The following MAP3K20 variants were observed in gnomAD, a reference collection of about 807,000 sequenced individuals.
The protein encoded by MAP3K20 is mitogen-activated protein kinase kinase kinase 20, also known as HCCS-4.
MAP3K20 carries 40 observed loss-of-function variants against 85.7 expected under a neutral mutation model. That is an observed-to-expected ratio of 0.47 (90% CI 0.36 to 0.61). The LOEUF (loss-of-function observed/expected upper bound fraction) is 0.61, where lower values mean the gene tolerates loss of function less well. Ranked by LOEUF, MAP3K20 falls within the 20% of genes least tolerant of loss-of-function variation. MAP3K20 has a pLI of 0.00. For missense variants in MAP3K20, 817 were observed against 961.7 expected (o/e 0.85, Z 1.99); for synonymous variants, 325 against 327.7 (o/e 0.99, Z 0.09).
intron 10 of MAP3K20, chr2:173,211,692 G>A (rs1683899281): frequency 6.6e-6 from 1 of 152,404 alleles, no homozygotes; most frequent in South Asian, 2.1e-4. Flanking sequence ...CAAGTCAGGT[G>A]GATCAACGTC....
At chr2:173,170,360 A>G (rs1053178580) in intron 3 of MAP3K20, among the ~76,000 whole-genome samples, 33 of 152,196 alleles carry the variant, frequency 2.2e-4, no homozygotes, top group African/African-American at 7.7e-4. Flanking sequence ...TAAGTTGGTA[A>G]TGACCTTGAT....
chr2:173,199,056 T>G (rs1383325108), intron 8 of MAP3K20, among the ~76,000 whole-genome samples: 1 of 152,226 alleles, frequency 6.6e-6, no homozygotes, highest in East Asian at 1.9e-4. Context: ...ATCTGTGCTC[T>G]CCACAAAGGG....
intron 2 of MAP3K20, among the ~76,000 whole-genome samples, chr2:173,147,649 C>T (rs1181045960): frequency 1.3e-5 from 2 of 152,076 alleles, no homozygotes; most frequent in East Asian, 1.9e-4. Flanking sequence ...TGCAGTGGCA[C>T]GATCTCGGCT....
At chr2:173,229,650 T>G (rs377523891) in intron 11 of MAP3K20, 39 bp from the exon 12 acceptor site, 418 of 1,612,274 alleles carry the variant, frequency 2.6e-4, no homozygotes, top group Non-Finnish European at 3.4e-4. Flanking sequence ...AATGATAATA[T>G]TACTTTTTTT....
chr2:173,078,556 C>T (rs139935277), intron 1 of MAP3K20, among the ~76,000 whole-genome samples: 208 of 152,280 alleles, frequency 1.4e-3, no homozygotes, highest in East Asian at 3.9e-3. Flanking sequence ...ATTGATTCGA[C>T]TGATACATGG....
At chr2:173,229,050 C>T (rs1377430161) in intron 11 of MAP3K20, among the ~76,000 whole-genome samples, 1 of 152,178 alleles carries the variant, frequency 6.6e-6, no homozygotes, top group Non-Finnish European at 1.5e-5. Context: ...AGTTCTTTGG[C>T]TCTGAAAATG....
intron 7 of MAP3K20, among the ~76,000 whole-genome samples, chr2:173,196,943 GTCTTTGGGCAAGT>G (rs1383092189): frequency 8.2e-6 from 1 of 122,534 alleles, no homozygotes; most frequent in African/African-American, 3.0e-5. Flanking sequence ...ATAACTGACT[GTCTTTGGGCAAGT>G]TTTTTTTTTT....
chr2:173,163,880 GCTAAA>G (rs981507261), intron 2 of MAP3K20, among the ~76,000 whole-genome samples: 6 of 151,936 alleles, frequency 3.9e-5, no homozygotes, highest in African/African-American at 1.5e-4. Flanking sequence ...TTTCATAATG[GCTAAA>G]CTAATTTACA....
intron 7 of MAP3K20, among the ~76,000 whole-genome samples, chr2:173,196,803 C>T (rs1490683588): frequency 6.6e-6 from 1 of 152,102 alleles, no homozygotes; most frequent in East Asian, 1.9e-4. Flanking sequence ...TCTCCCAGGG[C>T]GCCATACCTA....
intron 2 of MAP3K20, among the ~76,000 whole-genome samples, chr2:173,137,110 G>A (rs768774949): frequency 2.8e-4 from 43 of 152,170 alleles, no homozygotes; most frequent in Admixed American, 8.5e-4. Flanking sequence ...TGAACTTTAC[G>A]TGGGAAAACA....
At chr2:173,126,272 C>T (rs928653287) in intron 2 of MAP3K20, among the ~76,000 whole-genome samples, 8 of 152,036 alleles carry the variant, frequency 5.3e-5, no homozygotes, top group African/African-American at 1.4e-4. Flanking sequence ...GAATGTCTGA[C>T]GTTGGGCAAG....
At chr2:173,142,670 A>G (rs940237729) in intron 2 of MAP3K20, among the ~76,000 whole-genome samples, 1 of 152,160 alleles carries the variant, frequency 6.6e-6, no homozygotes, top group Admixed American at 6.5e-5. Flanking sequence ...AAAGCCAATG[A>G]ATGAATGAAA....
chr2:173,163,543 G>A (rs145836473), intron 2 of MAP3K20, among the ~76,000 whole-genome samples: 5,246 of 151,202 alleles, frequency 0.035, 120 homozygotes, highest in Admixed American at 0.054. Flanking sequence ...ATGGCTGCAT[G>A]GTATTCCTAG....
At chr2:173,092,009 C>A (rs934089010) in intron 2 of MAP3K20, among the ~76,000 whole-genome samples, 2 of 152,208 alleles carry the variant, frequency 1.3e-5, no homozygotes, top group African/African-American at 2.4e-5. Context: ...TGTTCAATAT[C>A]TTTTTAAAGT....
intron 2 of MAP3K20, among the ~76,000 whole-genome samples, chr2:173,158,324 G>T (rs1689542309): frequency 6.6e-6 from 1 of 152,120 alleles, no homozygotes. Context: ...GATTTTACTG[G>T]ACTTTTTTTA....
chr2:173,239,992 C>T (rs986977398), intron 16 of MAP3K20, among the ~76,000 whole-genome samples: 3 of 152,126 alleles, frequency 2.0e-5, no homozygotes, highest in African/African-American at 4.8e-5. Flanking sequence ...ATTATTTGGC[C>T]TAGGTAGCCT....
At chr2:173,195,492 G>A (rs1004715688) in intron 7 of MAP3K20, among the ~76,000 whole-genome samples, 5 of 152,082 alleles carry the variant, frequency 3.3e-5, no homozygotes, top group South Asian at 2.1e-4. Flanking sequence ...AAAATGAGTC[G>A]GAAAATATTT....
chr2:173,247,146 A>G (rs1457914662), intron 16 of MAP3K20, among the ~76,000 whole-genome samples: 1 of 152,178 alleles, frequency 6.6e-6, no homozygotes, highest in Admixed American at 6.5e-5. Flanking sequence ...AAGAAATTCA[A>G]TCAATAGTTC....
At chr2:173,200,544 A>C (rs1461920632) in intron 8 of MAP3K20, among the ~76,000 whole-genome samples, 2 of 152,252 alleles carry the variant, frequency 1.3e-5, no homozygotes, top group Admixed American at 1.3e-4. Flanking sequence ...GTCATCTATA[A>C]TATCTATATC....
Sources: allele counts gnomAD v4.1 joint callset (sites outside exome capture counted in the v4.1 genomes callset), GRCh38; gene constraint gnomAD v4.1.1; transcripts MANE v1.5; gene names NCBI Gene and HGNC (gene_info 2026-07-23, HGNC 2026-07-21).